Variants in KLRG1 observed in about 807,000 individuals in gnomAD.
The protein encoded by KLRG1 is killer cell lectin-like receptor subfamily G member 1.
A neutral mutation model predicts 21.8 loss-of-function variants in KLRG1; 16 were observed. The ratio of observed to expected loss-of-function variants is 0.73; its 90% CI spans 0.50 to 1.11. The LOEUF is 1.11. Among genes scored for constraint, KLRG1 ranks in the 50% most tolerant of loss-of-function variants. KLRG1 has a pLI of 0.00. For missense variants in KLRG1, 173 were observed against 218.3 expected (o/e 0.79, Z 1.31); for synonymous variants, 69 against 75.9 (o/e 0.91, Z 0.47).
At chr12:9,106,243 A>G in the KLRG1 span, 2 of 1,606,208 alleles carry the variant, frequency 1.2e-6, no homozygotes, top group African/African-American at 1.3e-5. Flanking sequence ...CACCTGCCCA[A>G]AGAAGGGAAT....
At chr12:9,118,220 T>C in the KLRG1 span, among the ~76,000 whole-genome samples, 1 of 152,224 alleles carries the variant, frequency 6.6e-6, no homozygotes, top group Non-Finnish European at 1.5e-5. Context: ...GCTTTAATAA[T>C]AGAACTCCCG....
the KLRG1 span, chr12:9,099,509 A>G: frequency 6.2e-7 from 1 of 1,608,764 alleles, no homozygotes. Flanking sequence ...ATTGAGATGG[A>G]AAAATGGCCC....
At chr12:9,094,935 T>C in the KLRG1 span, 1 of 1,157,244 alleles carries the variant, frequency 8.6e-7, no homozygotes, top group Non-Finnish European at 1.2e-6. Context: ...ATTTGGTGAA[T>C]ATATTAGGCA....
the KLRG1 span, chr12:9,109,799 TA>T: frequency 1.4e-6 from 2 of 1,459,620 alleles, no homozygotes; most frequent in Non-Finnish European, 1.8e-6. Context: ...CAAATGAACT[TA>T]AATTCCAGGA....
the KLRG1 span, among the ~76,000 whole-genome samples, chr12:9,201,616 T>G: frequency 2.6e-5 from 4 of 152,158 alleles, no homozygotes; most frequent in Non-Finnish European, 5.9e-5. Flanking sequence ...AGTATTAATA[T>G]TATTTGGATA....
the KLRG1 span, chr12:9,090,649 A>G: frequency 1.5e-6 from 1 of 679,498 alleles, no homozygotes; most frequent in African/African-American, 1.8e-5. Context: ...ATCTTAATGT[A>G]TCAGATTTAC....
At chr12:9,208,318 A>G in the KLRG1 span, 2 of 1,613,584 alleles carry the variant, frequency 1.2e-6, no homozygotes, top group South Asian at 2.2e-5. Flanking sequence ...CAAGACATAA[A>G]TGAAGAAGTC....
intron 1 of KLRG1, 35 bp downstream of exon 1, chr12:8,989,752 T>G: frequency 8.5e-7 from 1 of 1,174,700 alleles, no homozygotes. Flanking sequence ...AGACGATGCA[T>G]AGCAACAGTA....
intron 1 of KLRG1, among the ~76,000 whole-genome samples, chr12:8,962,361 G>C (rs927236929): frequency 6.6e-6 from 1 of 152,142 alleles, no homozygotes; most frequent in Non-Finnish European, 1.5e-5. Context: ...ACAATGATTA[G>C]AAACTGCTGA....
the KLRG1 span, among the ~76,000 whole-genome samples, chr12:9,116,475 G>T: frequency 6.6e-6 from 1 of 152,132 alleles, no homozygotes. Flanking sequence ...TCATAGAAAA[G>T]AGTTTCCTGT....
chr12:9,109,888 G>T, the KLRG1 span: 12 of 1,607,752 alleles, frequency 7.5e-6, no homozygotes, highest in African/African-American at 1.3e-4. Flanking sequence ...ACGGTGAAAG[G>T]GTGCTCTGTC....
the KLRG1 span, among the ~76,000 whole-genome samples, chr12:9,209,588 G>T: frequency 6.6e-6 from 1 of 151,828 alleles, no homozygotes; most frequent in Non-Finnish European, 1.5e-5. Context: ...TTTAAAATTT[G>T]TCTAGAAGCT....
chr12:9,099,285 C>T, the KLRG1 span: 4 of 1,189,276 alleles, frequency 3.4e-6, no homozygotes, highest in Non-Finnish European at 4.8e-6. Context: ...ATTTGTTTAA[C>T]CCTTTTGGCC....
the KLRG1 span, among the ~76,000 whole-genome samples, chr12:9,065,674 T>G: frequency 1.6e-3 from 240 of 151,992 alleles, 2 homozygotes; most frequent in African/African-American, 5.6e-3. Flanking sequence ...AGGGGATGGG[T>G]CCCCAGTGAA....
At chr12:9,108,317 G>A in the KLRG1 span, among the ~76,000 whole-genome samples, 6 of 152,000 alleles carry the variant, frequency 3.9e-5, no homozygotes, top group East Asian at 1.9e-4. Flanking sequence ...TAGTAGAGAC[G>A]GGGTTTCACC....
chr12:9,164,007 T>C, the KLRG1 span: 6 of 1,345,592 alleles, frequency 4.5e-6, no homozygotes, highest in Non-Finnish European at 5.0e-6. Context: ...TGGATAGAAA[T>C]AGGAAAAAAA....
the KLRG1 span, among the ~76,000 whole-genome samples, chr12:9,144,893 C>T: frequency 3.8e-4 from 58 of 152,274 alleles, 2 homozygotes; most frequent in African/African-American, 1.3e-3. Flanking sequence ...GTCATGCTGA[C>T]GTTAGCCATT....
chr12:9,153,743 T>C, the KLRG1 span, among the ~76,000 whole-genome samples: 1 of 152,160 alleles, frequency 6.6e-6, no homozygotes, highest in Non-Finnish European at 1.5e-5. Flanking sequence ...CTTTCTTGAG[T>C]TTCTTTTTAC....
the KLRG1 span, chr12:9,200,904 C>T: frequency 1.8e-5 from 29 of 1,611,658 alleles, no homozygotes; most frequent in South Asian, 7.7e-5. Context: ...AATTCCTCCA[C>T]GGTGAAGGGG....
Sources: allele counts gnomAD v4.1 joint callset (sites outside exome capture counted in the v4.1 genomes callset), GRCh38; gene constraint gnomAD v4.1.1; transcripts MANE v1.5; gene names NCBI Gene and HGNC (gene_info 2026-07-23, HGNC 2026-07-21).